REV1: variants seen among roughly 807,000 people sequenced by gnomAD.
The protein encoded by REV1 is REV1 DNA directed polymerase, also known as translesion synthesis protein REV1.
Under a neutral mutation model 137.4 loss-of-function variants are expected in REV1, and 42 were observed. That is an observed-to-expected ratio of 0.31 (90% CI 0.24 to 0.40). REV1 has a LOEUF of 0.40. Among genes scored for constraint, REV1 ranks in the 10% least tolerant of loss-of-function variants. REV1 has a pLI of 1.00. For missense variants in REV1, 1,282 were observed against 1,490.1 expected (o/e 0.86, Z 2.30); for synonymous variants, 524 against 519.2 (o/e 1.01, Z -0.12).
At chr2:99,451,773 G>GA (rs147236551) in intron 3 of REV1, among the ~76,000 whole-genome samples, 24,491 of 148,564 alleles carry the variant, frequency 0.16, 2,157 homozygotes, top group East Asian at 0.26. Context: ...TAGACTCTAC[G>GA]AAAAAAAAAA....
chr2:99,458,501 A>G (rs570206036), intron 3 of REV1, among the ~76,000 whole-genome samples: 5 of 152,354 alleles, frequency 3.3e-5, no homozygotes, highest in African/African-American at 1.2e-4. Context: ...AAATACTACA[A>G]CCACTTTGGG....
At chr2:99,422,903 C>CTA (rs1678868677) in intron 10 of REV1, among the ~76,000 whole-genome samples, 1 of 152,164 alleles carries the variant, frequency 6.6e-6, no homozygotes, top group East Asian at 1.9e-4. Context: ...TCACCCATCC[C>CTA]TATCTAGCCC....
chr2:99,401,108 A>G lies in REV1; in HGVS notation c.*133T>C, dbSNP rs1675329737. ...ACAAATTTGGCACTTTTTGAAAAGA[A>G]ATGTACAAAACACTTGCTTTAAAAG... On this transcript the variant is annotated 3_prime_UTR_variant, in exon 23 of 23. Transcript: ENST00000258428. 5.8e-6 allele frequency: 3 copies of G among 519,122 alleles called. No homozygotes were observed. 32.2% of individuals were successfully genotyped at this position (519,122 alleles called of 1,614,324 possible).
intron 15 of REV1, chr2:99,406,712 A>G (rs768756660): frequency 5.6e-6 from 2 of 358,880 alleles, no homozygotes; most frequent in East Asian, 4.3e-5. Flanking sequence ...AGAGTATCCA[A>G]TTCTCCCAAA....
intron 8 of REV1, among the ~76,000 whole-genome samples, chr2:99,432,328 C>CT (rs199919186): frequency 0.013 from 1,965 of 149,542 alleles, 169 homozygotes; most frequent in Admixed American, 0.12. Context: ...TAGAACTGAT[C>CT]TTTTTTTTTT....
At chr2:99,443,548 C>A (rs1466238732) in intron 4 of REV1, among the ~76,000 whole-genome samples, 1 of 152,122 alleles carries the variant, frequency 6.6e-6, no homozygotes, top group Non-Finnish European at 1.5e-5. Context: ...AAAAACGGAA[C>A]TATATATGAT....
In REV1 at chr2:99,404,560, A is replaced by G. The variant is rs775799892; in HGVS notation, c.2929T>C (p.Cys977Arg). 34 of 1,614,022 alleles carry G rather than the reference A, an allele frequency of 2.1e-5. No individual in the cohort carries two copies. Among genetic ancestry groups the G allele is most frequent in the Non-Finnish European group, 2.8e-5 (33 of 1,180,012 alleles). Residue 977 changes from cysteine (C) to arginine (R), a missense_variant, in exon 18 of 23, where the codon TGT becomes CGT. By Grantham distance (180) the Cys-to-Arg change is radical. This residue lies in a region of REV1 where 135 missense variants were observed against 123.3 expected (regional missense o/e 1.10). Transcript: ENST00000258428. ...GGTTGTGGCAAAATTCCTGTATTACAGCCATTTACTGGTTCTTTCTTTTTG... is the reference window on the plus strand; with the variant it reads ...GGTTGTGGCAAAATTCCTGTATTACGGCCATTTACTGGTTCTTTCTTTTTG... ...GDKKKEPVNGCNTGILPQPVG... is the reference protein window; with the variant it reads ...GDKKKEPVNGRNTGILPQPVG...
chr2:99,474,726 A>T (rs1020878428), intron 1 of REV1, among the ~76,000 whole-genome samples: 3 of 152,066 alleles, frequency 2.0e-5, no homozygotes, highest in Admixed American at 2.0e-4. Flanking sequence ...ACATGGTGAA[A>T]CCCTGTCTCT....
rs1483741763 is a variant in REV1 at position 99,400,688 on chromosome 2, A to AAAT, written c.*550_*552dup. 6.6e-6 allele frequency: 1 copy of AAAT among 152,298 alleles called. No individual in the cohort carries two copies. The highest frequency in any genetic ancestry group is 1.9e-4 in the East Asian group (1 of 5,184). The allele number at this position is 152,298 out of a possible 1,614,324, so 9.4% of individuals were successfully genotyped here. Reference sequence around the variant, plus strand: ...TGGGTGTGAGGGTGTTTCTAATTCAAAATATGTAGATTTCTCCGCATGGAA... The same window carrying AAAT: ...TGGGTGTGAGGGTGTTTCTAATTCAAAATAATATGTAGATTTCTCCGCATGGAA... On this transcript the variant is annotated 3_prime_UTR_variant, in exon 23 of 23. Transcript: ENST00000258428.
At chr2:99,434,828 A>G (rs1014637179) in intron 7 of REV1, among the ~76,000 whole-genome samples, 3 of 137,432 alleles carry the variant, frequency 2.2e-5, no homozygotes, top group Non-Finnish European at 4.6e-5. Context: ...TCTAGAGTTA[A>G]CATCTATACT....
At chr2:99,463,800 T>G (rs1684505670) in intron 2 of REV1, among the ~76,000 whole-genome samples, 2 of 152,110 alleles carry the variant, frequency 1.3e-5, no homozygotes, top group South Asian at 2.1e-4. Flanking sequence ...ATTTTTGTAT[T>G]TTTAATAGAG....
In REV1 at chr2:99,413,099, G is replaced by A. The variant is rs1348388662; in HGVS notation, c.1952-148C>T. 19 of 645,728 alleles carry A rather than the reference G, an allele frequency of 2.9e-5. No homozygotes were observed. The South Asian group carries it at 3.6e-4, about 12-fold the overall frequency. The allele number at this position is 645,728 out of a possible 1,614,324, so 40.0% of individuals were successfully genotyped here. ...AACATAACTGAAGCATCCACAGGCT[G>A]AAGAATTTTTTGGTGCAAAATCATG... On this transcript the variant is annotated intron_variant, in intron 12 of 22. Coordinates refer to ENST00000258428, the MANE Select transcript of REV1 (RefSeq NM_016316.4).
intron 12 of REV1, among the ~76,000 whole-genome samples, chr2:99,414,283 A>C (rs1270295419): frequency 6.6e-6 from 1 of 152,212 alleles, no homozygotes. Flanking sequence ...ACCAGTATAT[A>C]ACACAAGGTT....
rs1676473371 is a variant in REV1, at chr2:99,407,323, G to A, written c.2448+706C>T. Among the ~76,000 whole-genome samples the A allele has an allele frequency of 2.0e-5, 3 of 151,532 alleles. No individual in the cohort carries two copies. In the East Asian group the frequency reaches 5.8e-4, roughly 29 times the overall value. On this transcript the variant is annotated intron_variant, in intron 15 of 22. Transcript: ENST00000258428. Reference sequence around the variant, plus strand: ...CCCAGCACTTTGAGAGGCTGAGGTGGGTGGATCACCTGAGGTCAGGAGTTT... The same window carrying A: ...CCCAGCACTTTGAGAGGCTGAGGTGAGTGGATCACCTGAGGTCAGGAGTTT...
intron 9 of REV1, among the ~76,000 whole-genome samples, chr2:99,425,893 A>G (rs1483985039): frequency 6.6e-5 from 10 of 151,734 alleles, no homozygotes; most frequent in African/African-American, 2.4e-4. Context: ...AAAATTAGCG[A>G]GAAGTGGTGG....
chr2:99,446,863 T>A (rs374589982), intron 4 of REV1, among the ~76,000 whole-genome samples: 29 of 152,240 alleles, frequency 1.9e-4, no homozygotes, highest in African/African-American at 6.7e-4. Context: ...TCTCCTCCTG[T>A]CCACAGAAAT....
At chr2:99,414,122 T>G (rs1677541708) in intron 12 of REV1, among the ~76,000 whole-genome samples, 1 of 152,190 alleles carries the variant, frequency 6.6e-6, no homozygotes, top group African/African-American at 2.4e-5. Context: ...GCCATTCCAT[T>G]CCAGCCTAGG....
rs143279516 is a variant in REV1, at chr2:99,412,944, T to C, written c.1959A>G (p.Gly653=). 7.0e-5 allele frequency: 113 copies of C among 1,611,268 alleles called. No individual in the cohort carries two copies. The African/African-American group carries it at 1.3e-3, about 18-fold the overall frequency. ...GQLVTNLPGV[G]HSMESKLASL... ...ATGCCAACTTAGATTCCATTGAATG[T>C]CCAACTCCTAGGAAAGGGAATATAG... Residue 653 remains glycine, a synonymous_variant, in exon 13 of 23, where the codon GGA becomes GGG. Coordinates refer to ENST00000258428, the MANE Select transcript of REV1 (RefSeq NM_016316.4).
chr2:99,486,073 C>T (rs1687097364), intron 1 of REV1, among the ~76,000 whole-genome samples: 2 of 152,142 alleles, frequency 1.3e-5, no homozygotes, highest in South Asian at 4.1e-4. Context: ...TGCAGTGAGC[C>T]GTGATCACAC....
Sources: gnomAD v4.1 joint callset for allele counts (sites outside exome capture counted in the v4.1 genomes callset) on GRCh38, gnomAD v4.1.1 for gene constraint, gnomAD v4.1.1 regional missense constraint, MANE v1.5 for transcripts, NCBI Gene and HGNC (gene_info 2026-07-23, HGNC 2026-07-21) for gene names.